HLA-DQB2: variants seen among roughly 807,000 people sequenced by gnomAD.
HLA-DQB2 encodes the protein major histocompatibility complex, class II, DQ beta 2.
A neutral mutation model predicts 29.2 loss-of-function variants in HLA-DQB2; 24 were observed. That is an observed-to-expected ratio of 0.82 (90% CI 0.60 to 1.16). The LOEUF (loss-of-function observed/expected upper bound fraction) is 1.16. Ranked by LOEUF, HLA-DQB2 falls within the 50% of genes most tolerant of loss-of-function variation. HLA-DQB2 has a pLI of 0.00. For synonymous variants in HLA-DQB2, 104 were observed against 133.1 expected (o/e 0.78, Z 1.51); for missense variants, 273 against 343.6 (o/e 0.79, Z 1.62).
intron 1 of HLA-DQB2, 143 bp from the exon 2 acceptor site, chr6:32,762,069 C>T (rs1433693818): frequency 1.7e-6 from 2 of 1,152,142 alleles, no homozygotes; most frequent in Non-Finnish European, 2.4e-6. Flanking sequence ...TTGGCTGGGC[C>T]CGTGCCTCGT....
chr6:32,757,988 C>A lies in HLA-DQB2; in HGVS notation c.647-105G>T. 3.7e-6 allele frequency: 4 copies of A among 1,081,980 alleles called. No individual in the cohort carries two copies. The South Asian group carries it at 6.5e-5, about 18-fold the overall frequency. The allele number at this position is 1,081,980 out of a possible 1,614,324, so 67.0% of individuals were successfully genotyped here. A position where few individuals can be genotyped will look rare whatever the true frequency, so the allele number is the denominator to read the frequency against. ...ACACTAGTTCTCCAGTCTGACCACC[C>A]TAGGGAAGAGAAAGACCAGCCAGTA... is the stretch of plus-strand genomic sequence containing the variant. On this transcript the variant is annotated intron_variant, in intron 3 of 5. Coordinates refer to ENST00000437316, the MANE Select transcript of HLA-DQB2 (RefSeq NM_001300790.2).
At chr6:32,763,175 G>A (rs967311700) in intron 1 of HLA-DQB2, among the ~76,000 whole-genome samples, 199 bp downstream of exon 1, 2 of 151,426 alleles carry the variant, frequency 1.3e-5, no homozygotes, top group African/African-American at 4.8e-5. Flanking sequence ...TAAACCTGTG[G>A]GATTGGGGTT....
intron 5 of HLA-DQB2, 34 bp from the exon 6 acceptor site, chr6:32,756,500 G>A: frequency 1.9e-6 from 3 of 1,564,344 alleles, no homozygotes; most frequent in Non-Finnish European, 2.6e-6. Flanking sequence ...ATCAGCACAG[G>A]GTACCCTGAG....
chr6:32,756,914 C>G (rs1049779486), intron 5 of HLA-DQB2: 24 of 1,203,198 alleles, frequency 2.0e-5, no homozygotes, highest in Non-Finnish European at 2.4e-5. Flanking sequence ...GAAACAATCT[C>G]TGGAGATTCG....
In HLA-DQB2 at chr6:32,761,657, C is replaced by T. The variant is rs929368348; in HGVS notation, c.364+3G>A. ...AGCCCCGCGGAAGGACGACGACGCT[C>T]ACCTTGCCGCTGCAAGGTCGTGCGC... On this transcript the variant is annotated splice_donor_region_variant and intron_variant, in intron 2 of 5. Transcript: ENST00000437316. The T allele has an allele frequency of 1.9e-6, 3 of 1,546,052 alleles. No homozygotes were observed. The highest frequency in any genetic ancestry group is 1.2e-5 in the South Asian group (1 of 83,980).
intron 2 of HLA-DQB2, 68 bp downstream of exon 2, chr6:32,761,592 C>T: frequency 7.0e-7 from 1 of 1,423,124 alleles, no homozygotes; most frequent in East Asian, 2.7e-5. Context: ...GCCGTCCTCG[C>T]CCCTCTGTGC....
Position 32,759,060 on chromosome 6 carries a change from C to T in HLA-DQB2, c.436G>A (p.Val146Met). The change falls in exon 3 of 6, where the codon GTG becomes ATG. Residue 146 changes from valine (V) to methionine (M), a missense_variant. Physicochemically the swap from Val to Met is conservative, Grantham distance 21 (BLOSUM62 1). Transcript: ENST00000437316. ...LNHHNLLVCS[V>M]TDFYPAQIKV... ...ATCTGGGCTGGATAGAAATCTGTCA[C>T]CGAGCAGACCAGCAGGTTGTGGTGG... 1 of 1,614,204 alleles carries T rather than the reference C, an allele frequency of 6.2e-7. No homozygotes were observed. Among genetic ancestry groups the T allele is most frequent in the South Asian group, 1.1e-5 (1 of 91,086 alleles).
intron 2 of HLA-DQB2, among the ~76,000 whole-genome samples, chr6:32,759,797 G>T (rs2113937358): frequency 6.6e-6 from 1 of 152,354 alleles, no homozygotes; most frequent in East Asian, 1.9e-4. Flanking sequence ...AATATTCTGA[G>T]ATCCATGCAG....
chr6:32,759,637 A>G (rs568549162), intron 2 of HLA-DQB2, among the ~76,000 whole-genome samples: 3 of 152,196 alleles, frequency 2.0e-5, no homozygotes, highest in Non-Finnish European at 4.4e-5. Context: ...ACTTGGTAAT[A>G]TGTTCTCTCA....
Position 32,756,761 on chromosome 6 carries a change from T to C in HLA-DQB2, c.782-295A>G, listed in dbSNP as rs766393906. 702 of 1,273,912 alleles carry C rather than the reference T, an allele frequency of 5.5e-4. 11 individuals are homozygous for C. The highest frequency in any genetic ancestry group is 1.2e-4 in the Non-Finnish European group (125 of 1,012,792). The allele number at this position is 1,273,912 out of a possible 1,614,324, so 78.9% of individuals were successfully genotyped here. A position where few individuals can be genotyped will look rare whatever the true frequency, so the allele number is the denominator to read the frequency against. On this transcript the variant is annotated intron_variant, in intron 5 of 5. Coordinates refer to ENST00000437316, the MANE Select transcript of HLA-DQB2 (RefSeq NM_001300790.2). ...CTTCATCTCCACCACTAGCAGCCTC[T>C]TTTAGTCACTGAAAATGCCTACAGG...
chr6:32,757,958 A>C, intron 3 of HLA-DQB2, 75 bp from the exon 4 acceptor site: 4 of 1,095,092 alleles, frequency 3.7e-6, no homozygotes, highest in Non-Finnish European at 3.8e-6. Context: ...TGGAGATGTC[A>C]GGGGACACTA....
chr6:32,763,381 G>T lies in HLA-DQB2; in HGVS notation c.90C>A (p.Asp30Glu). The T allele has an allele frequency of 6.4e-7, 1 of 1,556,504 alleles. No individual in the cohort carries two copies. Among genetic ancestry groups the T allele is most frequent in the African/African-American group, 1.4e-5 (1 of 73,816 alleles). ...CAGCTGCCCTGCACTTACTGGGAAA[G>T]TCTCTGGCCTCAGCCACTGGGGTGC... ...MLSTPVAEAR[D>E]FPKDFLVQFK... The change falls in exon 1 of 6, where the codon GAC becomes GAA. Residue 30 changes from aspartate to glutamate, a missense_variant. Asp to Glu is a conservative substitution (Grantham distance 45, BLOSUM62 2). Coordinates refer to ENST00000437316, the MANE Select transcript of HLA-DQB2 (RefSeq NM_001300790.2).
At chr6:32,762,735 CTGAA>C (rs1764960936) in intron 1 of HLA-DQB2, among the ~76,000 whole-genome samples, 1 of 152,202 alleles carries the variant, frequency 6.6e-6, no homozygotes, top group Admixed American at 6.5e-5. Flanking sequence ...TGTCCTGTGT[CTGAA>C]TGGAGTGGTT....
chr6:32,756,531 T>G, intron 5 of HLA-DQB2, 65 bp from the exon 6 acceptor site: 4 of 1,546,198 alleles, frequency 2.6e-6, no homozygotes, highest in Non-Finnish European at 3.5e-6. Flanking sequence ...TCTCCCCTAG[T>G]CCTCAGTTCC....
At chr6:32,758,038 G>A (rs892989988) in intron 3 of HLA-DQB2, among the ~76,000 whole-genome samples, 155 bp from the exon 4 acceptor site, 3 of 139,274 alleles carry the variant, frequency 2.2e-5, no homozygotes, top group African/African-American at 8.0e-5. Context: ...ATAGGTGGGT[G>A]AGGGAGAGGA....
intron 3 of HLA-DQB2, 22 bp downstream of exon 3, chr6:32,758,828 A>G (rs200185390): frequency 1.3e-6 from 2 of 1,565,188 alleles, no homozygotes; most frequent in Admixed American, 3.5e-5. Flanking sequence ...CCCACAGTAA[A>G]AGGAAACCAG....
intron 4 of HLA-DQB2, 112 bp from the exon 5 acceptor site, chr6:32,757,416 A>C (rs2301271): frequency 2.5e-6 from 2 of 795,194 alleles, no homozygotes; most frequent in Non-Finnish European, 4.2e-6. Context: ...CTTCCCTCCC[A>C]TGTTCTTTAA....
intron 1 of HLA-DQB2, 99 bp downstream of exon 1, chr6:32,763,273 CTG>C (rs1765008062): frequency 3.0e-6 from 2 of 665,056 alleles, no homozygotes; most frequent in Non-Finnish European, 5.4e-6. Flanking sequence ...TGATAAAAGA[CTG>C]TGTTCTGAGA....
chr6:32,758,904 A>G lies in HLA-DQB2; in HGVS notation c.592T>C (p.Tyr198His), dbSNP rs1347479876. 1 of 1,614,140 alleles carries G rather than the reference A, an allele frequency of 6.2e-7. No homozygotes were observed. Among genetic ancestry groups the G allele is most frequent in the Admixed American group, 1.7e-5 (1 of 60,032 alleles). Residue 198 changes from tyrosine (Y) to histidine (H), a missense_variant, in exon 3 of 6, where the codon TAC (tyrosine) becomes CAC (histidine). Coordinates refer to ENST00000437316, the MANE Select transcript of HLA-DQB2 (RefSeq NM_001300790.2). ...LEITPQRGDI[Y>H]TCQVEHPSLQ... ...CTGGGGTGCTCCACTTGGCAGGTGTAGATGTCTCCACGCTGGGGAGTTATT... is the reference window on the plus strand; with the variant it reads ...CTGGGGTGCTCCACTTGGCAGGTGTGGATGTCTCCACGCTGGGGAGTTATT...
Sources: allele counts gnomAD v4.1 joint callset (sites outside exome capture counted in the v4.1 genomes callset), GRCh38; gene constraint gnomAD v4.1.1; transcripts MANE v1.5; gene names NCBI Gene and HGNC (gene_info 2026-07-23, HGNC 2026-07-21).